LRBA: variants seen among roughly 807,000 people sequenced by gnomAD.
LRBA encodes the protein lipopolysaccharide-responsive and beige-like anchor protein.
In LRBA, 176 loss-of-function variants were observed where a neutral mutation model predicts 330.0. The observed-to-expected ratio is 0.53, with a 90% CI of 0.47 to 0.60. LRBA has a LOEUF of 0.60. Among genes scored for constraint, LRBA ranks in the 20% least tolerant of loss-of-function variants. LRBA has a pLI of 0.00. For synonymous variants in LRBA, 1,230 were observed against 1,193.0 expected (o/e 1.03, Z -0.64); for missense variants, 3,259 against 3,444.8 (o/e 0.95, Z 1.35).
chr4:150,555,050 T>C (rs1012476282), intron 40 of LRBA, among the ~76,000 whole-genome samples: 2 of 152,236 alleles, frequency 1.3e-5, no homozygotes, highest in African/African-American at 2.4e-5. Context: ...TGTTTCAATA[T>C]GTACCTTTAG....
intron 40 of LRBA, among the ~76,000 whole-genome samples, chr4:150,525,766 T>A (rs1167847490): frequency 6.6e-6 from 1 of 152,182 alleles, no homozygotes; most frequent in African/African-American, 2.4e-5. Flanking sequence ...ACCCCTGCTA[T>A]TTCCATCTGA....
In LRBA at chr4:150,350,067, G is replaced by C. The variant is rs1195446746; in HGVS notation, c.7287C>G (p.Ala2429=). ...YKQQGPEAVR[A]LNVFYYLTYE... is the part of the protein sequence containing the mutation. ...AGGTCAAGTAATAGAACACATTGAG[G>C]GCTCGGACAGCTTCTGGTCCTTGCT... Residue 2429 remains alanine, a synonymous_variant, in exon 48 of 57, where the codon GCC becomes GCG. Transcript: ENST00000651943. The C allele has an allele frequency of 6.2e-7, 1 of 1,613,154 alleles. No homozygotes were observed. The highest frequency in any genetic ancestry group is 8.5e-7 in the Non-Finnish European group (1 of 1,179,540).
At chr4:150,528,599 C>A (rs1258291824) in intron 40 of LRBA, among the ~76,000 whole-genome samples, 2 of 152,062 alleles carry the variant, frequency 1.3e-5, no homozygotes, top group East Asian at 3.9e-4. Context: ...CATAAGCCCA[C>A]CCCCTCTCCC....
intron 40 of LRBA, among the ~76,000 whole-genome samples, chr4:150,528,603 C>A (rs535462279): frequency 3.2e-4 from 48 of 152,150 alleles, no homozygotes; most frequent in African/African-American, 1.1e-3. Flanking sequence ...AGCCCACCCC[C>A]TCTCCCTTTT....
At chr4:151,009,027 A>ATATATATAT (rs1491517032) in intron 2 of LRBA, among the ~76,000 whole-genome samples, 3 of 13,482 alleles carry the variant, frequency 2.2e-4, no homozygotes, top group Admixed American at 2.0e-3. Context: ...ATATATATAT[A>ATATATATAT]AAATGGTATT....
chr4:150,750,051 C>T (rs1030679098), intron 35 of LRBA, among the ~76,000 whole-genome samples: 4 of 152,164 alleles, frequency 2.6e-5, no homozygotes, highest in African/African-American at 9.7e-5. Context: ...TTGTGACATA[C>T]ATCTCAAAAG....
intron 37 of LRBA, among the ~76,000 whole-genome samples, chr4:150,670,689 C>T (rs542505024): frequency 6.6e-6 from 1 of 152,194 alleles, no homozygotes; most frequent in African/African-American, 2.4e-5. Context: ...CATACTAACA[C>T]ATGTATATGT....
chr4:150,737,319 G>T (rs1187988195), intron 35 of LRBA, among the ~76,000 whole-genome samples: 1 of 152,052 alleles, frequency 6.6e-6, no homozygotes, highest in Admixed American at 6.6e-5. Flanking sequence ...AATTAGCCAG[G>T]CATGATGGCA....
chr4:150,665,601 T>A (rs1781494073), intron 37 of LRBA, among the ~76,000 whole-genome samples: 1 of 152,244 alleles, frequency 6.6e-6, no homozygotes, highest in Non-Finnish European at 1.5e-5. Flanking sequence ...TCTATTCTTA[T>A]AATGTGCCTA....
intron 35 of LRBA, among the ~76,000 whole-genome samples, chr4:150,756,220 A>G (rs1274956729): frequency 6.6e-6 from 1 of 152,156 alleles, no homozygotes; most frequent in African/African-American, 2.4e-5. Context: ...AATTTCACAA[A>G]ATAATGTCTC....
In LRBA at chr4:150,908,647, TCA is replaced by T. The variant is rs775527145; in HGVS notation, c.1359+11_1359+12del. On this transcript the variant is annotated intron_variant, in intron 10 of 56. Coordinates refer to ENST00000651943, the MANE Select transcript of LRBA (RefSeq NM_001364905.1). ...TACCATTATAAATGTTCTTAAAAGA[TCA>T]CAGTTAGTACCTGGAGCATGAGTGC... is the stretch of plus-strand genomic sequence containing the variant. The T allele has an allele frequency of 1.5e-5, 24 of 1,601,320 alleles. No homozygotes were observed. The African/African-American group carries it at 2.3e-4, about 15-fold the overall frequency.
chr4:150,978,721 T>A (rs958025468), intron 2 of LRBA, among the ~76,000 whole-genome samples: 1 of 152,104 alleles, frequency 6.6e-6, no homozygotes, highest in South Asian at 2.1e-4. Context: ...AATTTGAGAA[T>A]TGAAAAATGA....
chr4:150,952,378 G>A (rs1007654370), intron 2 of LRBA, among the ~76,000 whole-genome samples: 6 of 152,088 alleles, frequency 3.9e-5, no homozygotes. Context: ...AAGAAGGGCA[G>A]ACAATAAACT....
chr4:150,286,169 G>T, intron 53 of LRBA, 135 bp from the exon 54 acceptor site: 1 of 650,932 alleles, frequency 1.5e-6, no homozygotes, highest in South Asian at 1.9e-5. Flanking sequence ...CCTACTTTAG[G>T]ACTAGATCCA....
chr4:150,999,328 G>A (rs1400326088), intron 2 of LRBA, among the ~76,000 whole-genome samples: 1 of 151,982 alleles, frequency 6.6e-6, no homozygotes, highest in Non-Finnish European at 1.5e-5. Flanking sequence ...TCCTCAAAAG[G>A]TTGACCCTCA....
chr4:150,707,455 A>C (rs2127020642), intron 36 of LRBA, among the ~76,000 whole-genome samples: 1 of 151,832 alleles, frequency 6.6e-6, no homozygotes, highest in Non-Finnish European at 1.5e-5. Flanking sequence ...ACCAATCAGA[A>C]AAACATCAAG....
At chr4:150,811,803 C>T (rs1030655467) in intron 31 of LRBA, among the ~76,000 whole-genome samples, 4 of 152,136 alleles carry the variant, frequency 2.6e-5, no homozygotes, top group African/African-American at 9.7e-5. Context: ...CCACACCCTG[C>T]CCACTGTGCT....
At chr4:150,484,009 C>T (rs375265246) in intron 42 of LRBA, among the ~76,000 whole-genome samples, 1 of 151,988 alleles carries the variant, frequency 6.6e-6, no homozygotes, top group East Asian at 1.9e-4. Flanking sequence ...TTTATTAGTT[C>T]TAACAGTTGT....
In LRBA at chr4:150,735,283, T is replaced by C. The variant is rs756973832; in HGVS notation, c.5729A>G (p.Asp1910Gly). The stretch of plus-strand genomic sequence containing the variant: ...CTCAAATTCCGCATGTCTGTGAATA[T>C]CTTCTGCTCTCTGCCTGCTCAGGAT... ...EFILSRQRAE[D>G]IHRHAEFESL... Residue 1910 changes from aspartate (D) to glycine (G), a missense_variant, in exon 36 of 57, where the codon GAT (aspartate) becomes GGT (glycine). Physicochemically the swap from Asp to Gly is moderately conservative, Grantham distance 94 (BLOSUM62 -1). Transcript: ENST00000651943. 8 of 1,613,656 alleles carry C rather than the reference T, an allele frequency of 5.0e-6. No individual in the cohort carries two copies. The Admixed American group carries it at 1.0e-4, about 20-fold the overall frequency.
Sources: gnomAD v4.1 joint callset for allele counts (sites outside exome capture counted in the v4.1 genomes callset) on GRCh38, gnomAD v4.1.1 for gene constraint, MANE v1.5 for transcripts, NCBI Gene and HGNC (gene_info 2026-07-23, HGNC 2026-07-21) for gene names.